Variants in ART3 observed in about 807,000 individuals in gnomAD.
ART3 encodes ADP-ribosyltransferase 3 (inactive).
Under a neutral mutation model 48.5 loss-of-function variants are expected in ART3, and 49 were observed. The ratio of observed to expected loss-of-function variants is 1.01; its 90% CI spans 0.80 to 1.28. The LOEUF (loss-of-function observed/expected upper bound fraction) is 1.28. ART3 is among the 50% of genes most tolerant of loss of function. The probability of loss-of-function intolerance (pLI) is 0.00; values close to 1 mark genes in which losing one functional copy is unlikely to be tolerated. For synonymous variants in ART3, 145 were observed against 157.2 expected, an observed-to-expected ratio of 0.92 and a Z score of 0.58; for missense variants, 438 against 454.3, an observed-to-expected ratio of 0.96 and a Z score of 0.33.
intron 4 of ART3, among the ~76,000 whole-genome samples, chr4:76,097,918 C>T (rs970779048): frequency 1.3e-4 from 20 of 152,202 alleles, no homozygotes; most frequent in African/African-American, 4.6e-4. Flanking sequence ...CTCTCAGACA[C>T]TGCATTGGCC....
At chr4:76,092,033 A>G (rs1436350773) in intron 3 of ART3, among the ~76,000 whole-genome samples, 1 of 152,046 alleles carries the variant, frequency 6.6e-6, no homozygotes, top group African/African-American at 2.4e-5. Flanking sequence ...TATATAATAA[A>G]CCTCAAAACC....
At chr4:76,102,954 T>A (rs544131229) in intron 8 of ART3, among the ~76,000 whole-genome samples, 1 of 152,278 alleles carries the variant, frequency 6.6e-6, no homozygotes, top group South Asian at 2.1e-4. Flanking sequence ...TAGCCTTAGT[T>A]CTTATCATCA....
chr4:76,105,960 T>A, intron 10 of ART3: 1 of 984,552 alleles, frequency 1.0e-6, no homozygotes, highest in Non-Finnish European at 1.2e-6. Flanking sequence ...CACTCTACAA[T>A]CGTCCAGTAG....
chr4:76,107,889 T>G, intron 11 of ART3, 96 bp downstream of exon 11: 2 of 1,073,462 alleles, frequency 1.9e-6, no homozygotes, highest in Non-Finnish European at 2.7e-6. Context: ...GGAACAAAGT[T>G]GCAAGGTTTT....
intron 1 of ART3, among the ~76,000 whole-genome samples, chr4:76,041,700 A>AG (rs1734990676): frequency 6.6e-6 from 1 of 152,240 alleles, no homozygotes; most frequent in African/African-American, 2.4e-5. Flanking sequence ...TTCAAATTGA[A>AG]CTAGCTACAT....
At chr4:76,034,768 C>T (rs1387290875) in intron 1 of ART3, 3 of 1,494,722 alleles carry the variant, frequency 2.0e-6, no homozygotes, top group Non-Finnish European at 1.9e-6. Context: ...TGCTCTTTTC[C>T]AGGACTTCAT....
intron 1 of ART3, chr4:76,035,311 A>T (rs1027600610): frequency 4.3e-6 from 7 of 1,613,920 alleles, no homozygotes; most frequent in Non-Finnish European, 8.5e-7. Context: ...GGCCTATGCA[A>T]AGACAGCGTC....
intron 1 of ART3, among the ~76,000 whole-genome samples, chr4:76,037,660 T>C (rs1381392112): frequency 6.6e-6 from 1 of 152,138 alleles, no homozygotes; most frequent in Admixed American, 6.5e-5. Context: ...AAGGAATACA[T>C]TGTTTTACAT....
chr4:76,028,231 A>G (rs965557232), intron 1 of ART3, among the ~76,000 whole-genome samples: 7 of 152,236 alleles, frequency 4.6e-5, no homozygotes, highest in Non-Finnish European at 8.8e-5. Context: ...TATTTCACCC[A>G]AAGCCAAGAC....
intron 1 of ART3, among the ~76,000 whole-genome samples, chr4:76,064,573 G>T (rs889036168): frequency 1.3e-5 from 2 of 152,062 alleles, no homozygotes; most frequent in Non-Finnish European, 2.9e-5. Flanking sequence ...TTTTAGAATA[G>T]ACCTTTACTT....
intron 1 of ART3, chr4:76,021,608 AG>A (rs34836828): frequency 0.59 from 180,697 of 306,350 alleles, 55,938 homozygotes; most frequent in East Asian, 0.93. Context: ...AAGATTCCTT[AG>A]TACCCTTGGA....
intron 1 of ART3, among the ~76,000 whole-genome samples, chr4:76,052,822 A>G (rs887050432): frequency 6.6e-6 from 1 of 151,780 alleles, no homozygotes; most frequent in Non-Finnish European, 1.5e-5. Flanking sequence ...TCAAGCAAAC[A>G]GATTCAAGCA....
intron 1 of ART3, among the ~76,000 whole-genome samples, chr4:76,015,530 A>T (rs1732177203): frequency 1.3e-5 from 2 of 152,246 alleles, no homozygotes; most frequent in Non-Finnish European, 2.9e-5. Context: ...ACACTTAAAA[A>T]ATTCAATAGC....
chr4:76,075,598 A>G (rs1040205029), intron 1 of ART3, among the ~76,000 whole-genome samples: 1 of 152,136 alleles, frequency 6.6e-6, no homozygotes, highest in African/African-American at 2.4e-5. Flanking sequence ...GGTGGGAGAG[A>G]TGACATGTCT....
intron 1 of ART3, among the ~76,000 whole-genome samples, chr4:76,065,209 A>G (rs1719612881): frequency 2.0e-5 from 3 of 152,222 alleles, no homozygotes; most frequent in Admixed American, 2.0e-4. Context: ...CACAAAGTTC[A>G]AAAACAAACA....
chr4:76,044,986 A>G (rs1735359158), intron 1 of ART3, among the ~76,000 whole-genome samples: 1 of 152,094 alleles, frequency 6.6e-6, no homozygotes, highest in South Asian at 2.1e-4. Context: ...TTAGATAAGC[A>G]TACTTGTTAT....
intron 8 of ART3, among the ~76,000 whole-genome samples, chr4:76,102,591 A>AAGAT (rs1464845539): frequency 6.7e-6 from 1 of 149,552 alleles, no homozygotes; most frequent in East Asian, 2.0e-4. Context: ...AAACCATCTA[A>AAGAT]AGATAGAAGA....
chr4:76,068,392 G>A (rs1719952467), intron 1 of ART3, among the ~76,000 whole-genome samples: 1 of 152,054 alleles, frequency 6.6e-6, no homozygotes, highest in Admixed American at 6.6e-5. Context: ...ATTCATTAAG[G>A]AAGACTGGAT....
intron 3 of ART3, among the ~76,000 whole-genome samples, chr4:76,087,399 A>C (rs1307967969): frequency 2.0e-5 from 3 of 151,982 alleles, no homozygotes; most frequent in African/African-American, 7.3e-5. Context: ...AGGATCAAAA[A>C]CTCCCTGGAG....
Sources: allele counts gnomAD v4.1 joint callset (sites outside exome capture counted in the v4.1 genomes callset), GRCh38; gene constraint gnomAD v4.1.1; transcripts MANE v1.5; gene names NCBI Gene and HGNC (gene_info 2026-07-23, HGNC 2026-07-21).